Variants in TEC observed in about 807,000 individuals in gnomAD.
TEC encodes the protein tyrosine-protein kinase Tec.
In TEC, 72 loss-of-function variants were observed where a neutral mutation model predicts 93.0. The observed-to-expected ratio is 0.77, with a 90% CI of 0.64 to 0.94. The LOEUF (loss-of-function observed/expected upper bound fraction) is 0.94, where lower values mean the gene tolerates loss of function less well. Ranked by LOEUF, TEC falls within the 40% of genes least tolerant of loss-of-function variation. The pLI, the probability that TEC is intolerant of heterozygous loss-of-function variation, is 0.00. For synonymous variants in TEC, 249 were observed against 247.7 expected (o/e 1.01, Z -0.05); for missense variants, 630 against 757.9 (o/e 0.83, Z 1.98).
intron 1 of TEC, among the ~76,000 whole-genome samples, chr4:48,234,792 TTCCTCCATGGTAGTAGGA>T (rs1440505209): frequency 6.6e-6 from 1 of 152,048 alleles, no homozygotes; most frequent in East Asian, 1.9e-4. Flanking sequence ...AGAGAGCTAT[TTCCTCCATGGTAGTAGGA>T]GGAGAAGGAG....
chr4:48,208,213 CATA>C (rs1290907371), intron 2 of TEC, among the ~76,000 whole-genome samples: 1 of 152,192 alleles, frequency 6.6e-6, no homozygotes. Flanking sequence ...ATCTGAGAAT[CATA>C]ATATTTGGCC....
chr4:48,215,451 G>A (rs968471655), intron 2 of TEC, among the ~76,000 whole-genome samples: 2 of 152,264 alleles, frequency 1.3e-5, no homozygotes, highest in Non-Finnish European at 2.9e-5. Flanking sequence ...AGACTGCAGT[G>A]AGCTGGGATT....
chr4:48,269,175 T>C (rs1219104637), intron 1 of TEC, among the ~76,000 whole-genome samples: 1 of 152,184 alleles, frequency 6.6e-6, no homozygotes, highest in African/African-American at 2.4e-5. Context: ...CGGAACATCT[T>C]GGCCGATACT....
At chr4:48,252,631 T>C (rs1292684621) in intron 1 of TEC, among the ~76,000 whole-genome samples, 2 of 152,168 alleles carry the variant, frequency 1.3e-5, no homozygotes, top group Non-Finnish European at 2.9e-5. Context: ...GGTACTGATG[T>C]AAGATAGAGA....
At chr4:48,234,967 T>C (rs1723745921) in intron 1 of TEC, among the ~76,000 whole-genome samples, 5 of 152,056 alleles carry the variant, frequency 3.3e-5, no homozygotes, top group Admixed American at 1.3e-4. Context: ...TACTCACAAT[T>C]CATGAGTCAG....
At chr4:48,203,181 C>T (rs184664556) in intron 2 of TEC, among the ~76,000 whole-genome samples, 1 of 152,128 alleles carries the variant, frequency 6.6e-6, no homozygotes, top group Non-Finnish European at 1.5e-5. Flanking sequence ...CTGGCCAACA[C>T]AGTGAAACCC....
At chr4:48,259,585 A>T (rs1194799979) in intron 1 of TEC, among the ~76,000 whole-genome samples, 2 of 151,962 alleles carry the variant, frequency 1.3e-5, no homozygotes, top group East Asian at 3.9e-4. Context: ...GCGTGGTGGC[A>T]CATGCCTATA....
intron 5 of TEC, among the ~76,000 whole-genome samples, chr4:48,170,000 A>T (rs970963213): frequency 5.8e-4 from 88 of 152,352 alleles, no homozygotes; most frequent in African/African-American, 1.9e-3. Context: ...TTAGGCTCAC[A>T]CTTTCAATGG....
intron 9 of TEC, among the ~76,000 whole-genome samples, chr4:48,156,213 T>A (rs530242193): frequency 6.6e-6 from 1 of 152,198 alleles, no homozygotes; most frequent in Non-Finnish European, 1.5e-5. Flanking sequence ...GCAAGAGTGA[T>A]GTAACCTTGA....
At position 48,156,752 on chromosome 4, in the gene TEC, T is replaced by C. The variant is rs1437395031; in HGVS notation, c.738-18A>G. 1.3e-6 allele frequency: 2 copies of C among 1,594,462 alleles called. No individual in the cohort carries two copies. Among genetic ancestry groups the C allele is most frequent in the Non-Finnish European group, 1.7e-6 (2 of 1,173,614 alleles). On this transcript the variant is annotated intron_variant, in intron 8 of 17. Coordinates refer to ENST00000381501, the MANE Select transcript of TEC (RefSeq NM_003215.3). Reference sequence around the variant, plus strand: ...AATACCATCTGAACAGAAAAAACAATACATTTCAGGCCTCAGGTTTTTAGG... The same window carrying C: ...AATACCATCTGAACAGAAAAAACAACACATTTCAGGCCTCAGGTTTTTAGG...
intron 1 of TEC, among the ~76,000 whole-genome samples, chr4:48,255,995 G>A (rs754905008): frequency 6.6e-6 from 1 of 152,158 alleles, no homozygotes; most frequent in Non-Finnish European, 1.5e-5. Flanking sequence ...TCAAAGCTAA[G>A]ATAACAATTC....
intron 1 of TEC, among the ~76,000 whole-genome samples, chr4:48,263,755 A>C (rs531018837): frequency 6.6e-6 from 1 of 152,316 alleles, no homozygotes; most frequent in Non-Finnish European, 1.5e-5. Flanking sequence ...GCTCTATGCC[A>C]GTAATCTACG....
chr4:48,163,641 CATA>C, intron 8 of TEC, 58 bp downstream of exon 8: 1 of 1,107,314 alleles, frequency 9.0e-7, no homozygotes. Flanking sequence ...AAATGCCTTA[CATA>C]ATTAGGAAAA....
At chr4:48,165,451 C>G (rs1238397615) in intron 7 of TEC, among the ~76,000 whole-genome samples, 2 of 152,088 alleles carry the variant, frequency 1.3e-5, no homozygotes, top group Non-Finnish European at 2.9e-5. Flanking sequence ...ATTTTGTAAC[C>G]CCTAATGAAA....
At chr4:48,240,126 A>G (rs1723888240) in intron 1 of TEC, among the ~76,000 whole-genome samples, 1 of 152,154 alleles carries the variant, frequency 6.6e-6, no homozygotes, top group Admixed American at 6.5e-5. Context: ...AAGAGTATAG[A>G]CAAAATAAAA....
chr4:48,219,551 C>A (rs532228079), intron 2 of TEC, among the ~76,000 whole-genome samples: 40 of 152,326 alleles, frequency 2.6e-4, no homozygotes, highest in Admixed American at 1.7e-3. Flanking sequence ...TAGTGAAAGT[C>A]TTAAAGTCTT....
At chr4:48,211,498 A>G (rs1283454187) in intron 2 of TEC, among the ~76,000 whole-genome samples, 1 of 152,212 alleles carries the variant, frequency 6.6e-6, no homozygotes, top group Non-Finnish European at 1.5e-5. Context: ...ATTTATCCTT[A>G]TATTGTACTA....
intron 2 of TEC, among the ~76,000 whole-genome samples, chr4:48,212,109 AAATATATAT>A (rs1008615842): frequency 2.0e-5 from 2 of 101,224 alleles, no homozygotes; most frequent in African/African-American, 7.3e-5. Flanking sequence ...AAAAAAAAAA[AAATATATAT>A]ATATATATAT....
At chr4:48,203,286 G>C (rs1039815215) in intron 2 of TEC, among the ~76,000 whole-genome samples, 9 of 150,120 alleles carry the variant, frequency 6.0e-5, no homozygotes, top group African/African-American at 2.2e-4. Flanking sequence ...AATCGCTTTA[G>C]CCTGGGAGGT....
Sources: allele counts gnomAD v4.1 joint callset (sites outside exome capture counted in the v4.1 genomes callset), GRCh38; gene constraint gnomAD v4.1.1; transcripts MANE v1.5; gene names NCBI Gene and HGNC (gene_info 2026-07-23, HGNC 2026-07-21).